The following BRD8 variants were observed in gnomAD, a reference collection of about 807,000 sequenced individuals.
BRD8 encodes bromodomain-containing protein 8.
BRD8 carries 67 observed loss-of-function variants against 143.1 expected under a neutral mutation model. The observed-to-expected ratio is 0.47, with a 90% confidence interval of 0.38 to 0.57. BRD8 has a LOEUF of 0.57. Among genes scored for constraint, BRD8 ranks in the 20% least tolerant of loss-of-function variants. The pLI, the probability that BRD8 is intolerant of heterozygous loss-of-function variation, is 0.00. For synonymous variants in BRD8, 505 were observed against 517.1 expected (o/e 0.98, Z 0.32); for missense variants, 1,103 against 1,503.0 (o/e 0.73, Z 4.40).
intron 18 of BRD8, among the ~76,000 whole-genome samples, chr5:138,160,412 AAT>A (rs1752919070): frequency 1.3e-5 from 2 of 152,208 alleles, no homozygotes; most frequent in South Asian, 4.1e-4. Flanking sequence ...ATCCTCCAGG[AAT>A]GAGAAAAATA....
At position 138,152,543 on chromosome 5, in the gene BRD8, T is replaced by C; in HGVS notation, c.2795A>G (p.Glu932Gly). The change falls in exon 21 of 27, where the codon GAG (glutamate) becomes GGG (glycine). Residue 932 changes from glutamate (E) to glycine (G), a missense_variant. By Grantham distance (98) the Glu-to-Gly change is moderately conservative. This residue lies in a region of BRD8 where 369 missense variants were observed against 445.5 expected (regional missense o/e 0.83). Transcript: ENST00000254900. ...SELLVGDGGSEESQEAARKAS... is the reference protein window; with the variant it reads ...SELLVGDGGSGESQEAARKAS... ...TTTCCTTGCCGCTTCCTGAGATTCCTCACTGCCTCCATCCCCAACAAGCAG... is the reference window on the plus strand; with the variant it reads ...TTTCCTTGCCGCTTCCTGAGATTCCCCACTGCCTCCATCCCCAACAAGCAG... 1.2e-6 allele frequency: 2 copies of C among 1,614,220 alleles called. No homozygotes were observed. Among genetic ancestry groups the C allele is most frequent in the Non-Finnish European group, 1.7e-6 (2 of 1,180,042 alleles).
chr5:138,174,221 G>A, intron 2 of BRD8, among the ~76,000 whole-genome samples: 1 of 151,396 alleles, frequency 6.6e-6, no homozygotes, highest in East Asian at 1.9e-4. Context: ...ATCTGTTAAT[G>A]GATACTATAA....
At chr5:138,174,094 G>C (rs1455356507) in intron 2 of BRD8, among the ~76,000 whole-genome samples, 5 of 151,944 alleles carry the variant, frequency 3.3e-5, no homozygotes, top group African/African-American at 1.2e-4. Flanking sequence ...CTATCCTCCA[G>C]GCTCAACCAT....
intron 2 of BRD8, 62 bp downstream of exon 2, chr5:138,177,509 G>T (rs1411243878): frequency 4.2e-6 from 4 of 941,428 alleles, no homozygotes; most frequent in African/African-American, 3.3e-5. Context: ...GAAATCTACC[G>T]ATGTGAAAGA....
intron 22 of BRD8, among the ~76,000 whole-genome samples, chr5:138,150,310 AT>A (rs1163656056): frequency 1.3e-5 from 2 of 151,784 alleles, no homozygotes; most frequent in Non-Finnish European, 2.9e-5. Context: ...GTCTCCCTGT[AT>A]TGCCCAGACT....
At chr5:138,160,404 C>T (rs1752918085) in intron 18 of BRD8, among the ~76,000 whole-genome samples, 1 of 152,114 alleles carries the variant, frequency 6.6e-6, no homozygotes, top group African/African-American at 2.4e-5. Context: ...AAATCTCTAT[C>T]CTCCAGGAAT....
At chr5:138,163,785 T>A in intron 14 of BRD8, 1 of 666,648 alleles carries the variant, frequency 1.5e-6, no homozygotes, top group Non-Finnish European at 2.4e-6. Flanking sequence ...TTGGATAGTC[T>A]AATTAATAAA....
chr5:138,167,708 C>T, intron 9 of BRD8: 1 of 497,842 alleles, frequency 2.0e-6, no homozygotes, highest in South Asian at 2.2e-5. Flanking sequence ...CAATATTACT[C>T]TCAATATCCA....
intron 19 of BRD8, 77 bp from the exon 20 acceptor site, chr5:138,159,676 G>C (rs1157756616): frequency 7.0e-7 from 1 of 1,424,336 alleles, no homozygotes; most frequent in Non-Finnish European, 9.9e-7. Flanking sequence ...TCAGGACAGA[G>C]ACACAAGCAC....
chr5:138,161,951 A>C, intron 16 of BRD8, 87 bp from the exon 17 acceptor site: 1 of 1,556,784 alleles, frequency 6.4e-7, no homozygotes, highest in Non-Finnish European at 8.9e-7. Context: ...GGTAGTAAGA[A>C]CTAATACCAG....
chr5:138,156,410 T>C (rs1157359978), intron 20 of BRD8, among the ~76,000 whole-genome samples: 1 of 152,046 alleles, frequency 6.6e-6, no homozygotes, highest in Non-Finnish European at 1.5e-5. Context: ...AGTGCTGGGA[T>C]TACAGGCATG....
At chr5:138,148,533 A>C (rs1752252000) in intron 23 of BRD8, among the ~76,000 whole-genome samples, 1 of 151,274 alleles carries the variant, frequency 6.6e-6, no homozygotes. Flanking sequence ...ACACCCAATA[A>C]ATTTTGTTTA....
rs997161300 is a variant in BRD8 at position 138,158,734 on chromosome 5, C to T, written c.2577+821G>A. Among the ~76,000 whole-genome samples, 8 of 151,402 alleles carry T rather than the reference C, an allele frequency of 5.3e-5. No homozygotes were observed. In the East Asian group the frequency reaches 1.2e-3, roughly 22 times the overall value. ...CTGGGACTACAGGTGTGAGCCACCA[C>T]ACCCAGCCACAGTGGTCATTATTAC... On this transcript the variant is annotated intron_variant, in intron 20 of 26. Transcript: ENST00000254900.
In BRD8 at chr5:138,165,724, TCCAAA is replaced by T. The variant is rs1347350420; in HGVS notation, c.1278+99_1278+103del. On this transcript the variant is annotated intron_variant, in intron 11 of 26. Transcript: ENST00000254900. The stretch of plus-strand genomic sequence containing the variant: ...CTGGATGAAAGAGCAAGACTCTGTC[TCCAAA>T]AAAAAAAAAAAAAAAGCAGCAGCAG... The T allele has an allele frequency of 6.8e-4, 744 of 1,102,030 alleles. 5 individuals carry two copies. The African/African-American group carries it at 0.015, about 22-fold the overall frequency. The allele number at this position is 1,102,030 out of a possible 1,614,324, so 68.3% of individuals were successfully genotyped here.
intron 10 of BRD8, 142 bp downstream of exon 10, chr5:138,166,376 A>G: frequency 1.6e-6 from 1 of 641,630 alleles, no homozygotes; most frequent in African/African-American, 1.8e-5. Flanking sequence ...TTCTAAGGAT[A>G]TTTATTTCTA....
intron 23 of BRD8, among the ~76,000 whole-genome samples, chr5:138,148,207 T>C (rs1581406348): frequency 6.8e-6 from 1 of 146,500 alleles, no homozygotes; most frequent in Admixed American, 6.8e-5. Flanking sequence ...AAAGGGTCAG[T>C]GCATAAATCT....
chr5:138,160,841 G>A, intron 18 of BRD8, 50 bp downstream of exon 18: 1 of 1,499,070 alleles, frequency 6.7e-7, no homozygotes, highest in Non-Finnish European at 9.0e-7. Flanking sequence ...TCCTCCCCTT[G>A]AAGTATTTTA....
rs776676825 is a variant in BRD8 at position 138,161,781 on chromosome 5, T to G, written c.2249+15A>C. ...AATTCAGGCAAGTTACCATGCTGGG[T>G]GGACCATGGCTCACCTCTGCACAAT... is the stretch of plus-strand genomic sequence containing the variant. On this transcript the variant is annotated intron_variant, in intron 17 of 26. Coordinates refer to ENST00000254900, the MANE Select transcript of BRD8 (RefSeq NM_139199.2). 3.1e-6 allele frequency: 5 copies of G among 1,609,714 alleles called. No homozygotes were observed. In the South Asian group the frequency reaches 5.5e-5, roughly 18 times the overall value.
chr5:138,164,177 C>T (rs987841716), intron 13 of BRD8, 44 bp from the exon 14 acceptor site: 7 of 1,600,876 alleles, frequency 4.4e-6, no homozygotes, highest in African/African-American at 1.3e-5. Flanking sequence ...TCCACCTTAG[C>T]CTTCCCCTTC....
Sources: gnomAD v4.1 joint callset for allele counts (sites outside exome capture counted in the v4.1 genomes callset) on GRCh38, gnomAD v4.1.1 for gene constraint, gnomAD v4.1.1 regional missense constraint, MANE v1.5 for transcripts, NCBI Gene and HGNC (gene_info 2026-07-23, HGNC 2026-07-21) for gene names.